Variants in ANKRD30B observed in about 807,000 individuals in gnomAD.
ANKRD30B encodes the protein ankyrin repeat domain-containing protein 30B.
ANKRD30B carries 144 observed loss-of-function variants against 202.2 expected under a neutral mutation model. The observed-to-expected ratio is 0.71, with a 90% CI of 0.62 to 0.82. ANKRD30B has a LOEUF of 0.82. Among genes scored for constraint, ANKRD30B ranks in the 40% least tolerant of loss-of-function variants. The pLI is 0.00. For missense variants in ANKRD30B, 1,487 were observed against 1,669.1 expected, an observed-to-expected ratio of 0.89 and a Z score of 1.90; for synonymous variants, 508 against 561.3, an observed-to-expected ratio of 0.91 and a Z score of 1.34.
rs556051000 is a variant in ANKRD30B, at chr18:14,752,656, C to T, written c.312C>T (p.Gly104=). The T allele has an allele frequency of 3.3e-4, 535 of 1,606,830 alleles. No homozygotes were observed. Among genetic ancestry groups the T allele is most frequent in the Middle Eastern group, 5.0e-4 (3 of 6,048 alleles). The part of the protein sequence containing the change: ...DRKCQLNVLD[G]EGRTPLMKAL... ...AGTGCCAGCTTAATGTCCTTGATGG[C>T]GAAGGGAGGACACCTCTGATGAAGG... The change falls in exon 2 of 44, where the codon GGC becomes GGT. Residue 104 remains glycine, a synonymous_variant. Coordinates refer to ENST00000690538, the MANE Select transcript of ANKRD30B (RefSeq NM_001367607.2).
rs772509727 is a variant in ANKRD30B at position 14,822,498 on chromosome 18, A to T, written c.2657A>T (p.Asp886Val). Residue 886 changes from aspartate to valine, a missense_variant, in exon 31 of 44, where the codon GAT (aspartate) becomes GTT (valine). By Grantham distance (152) the Asp-to-Val change is radical. Around this residue, in one of 6 missense-constraint regions of ANKRD30B, gnomAD observed 218 missense variants for 320.1 expected, o/e 0.68. Transcript: ENST00000690538. ...SGKLEESPDK[D>V]GLLKPTCGMK... is the part of the protein sequence containing the mutation. ...TTTCTTTTAGAGTCTCCTGATAAAG[A>T]TGGTCTTCTGAAGGTAATAACTTTT... is the stretch of plus-strand genomic sequence containing the variant. 1.5e-5 allele frequency: 21 copies of T among 1,389,634 alleles called. No individual in the cohort carries two copies. Among genetic ancestry groups the T allele is most frequent in the Middle Eastern group, 1.9e-4 (1 of 5,342 alleles). 86.1% of individuals were successfully genotyped at this position (1,389,634 alleles called of 1,614,324 possible).
chr18:14,889,735 T>A, the ANKRD30B span, among the ~76,000 whole-genome samples: 26 of 150,332 alleles, frequency 1.7e-4, no homozygotes, highest in African/African-American at 6.2e-4. Context: ...ATTTTAGAGC[T>A]GGAAGGATCC....
the ANKRD30B span, among the ~76,000 whole-genome samples, chr18:14,892,805 C>G: frequency 6.8e-6 from 1 of 147,372 alleles, no homozygotes; most frequent in South Asian, 2.2e-4. Flanking sequence ...ATAATTCTAG[C>G]TACTTGAGAG....
At chr18:14,826,691 TCTCACACACA>T (rs1970679404) in intron 32 of ANKRD30B, among the ~76,000 whole-genome samples, 1 of 83,770 alleles carries the variant, frequency 1.2e-5, no homozygotes, top group Non-Finnish European at 2.5e-5. Flanking sequence ...TCTCTCTCTC[TCTCACACACA>T]CACACACACA....
At position 14,837,619 on chromosome 18, in the gene ANKRD30B, G is replaced by A. The variant is rs1971235999; in HGVS notation, c.2931G>A (p.Lys977=). 4 of 1,530,212 alleles carry A rather than the reference G, an allele frequency of 2.6e-6. No individual in the cohort carries two copies. In the African/African-American group the frequency reaches 5.7e-5, roughly 22 times the overall value. The allele number at this position is 1,530,212 out of a possible 1,614,324, so 94.8% of individuals were successfully genotyped here. ...TCTGTGAATAACATTTTGTAGATAA[G>A]ATGCCCACATCAGAATTAGGAAGAA... ...IERAPQDQTN[K]MPTSELGRKE... is the part of the protein sequence containing the mutation. The change falls in exon 36 of 44, where the codon AAG becomes AAA. Residue 977 remains lysine (K), a synonymous_variant. Transcript: ENST00000690538.
intron 32 of ANKRD30B, among the ~76,000 whole-genome samples, chr18:14,827,733 T>A (rs1970724227): frequency 6.6e-6 from 1 of 152,230 alleles, no homozygotes; most frequent in African/African-American, 2.4e-5. Context: ...TTTCTAAGTT[T>A]GACACTGTCC....
At chr18:14,775,971 C>T (rs1967327261) in intron 9 of ANKRD30B, among the ~76,000 whole-genome samples, 1 of 152,128 alleles carries the variant, frequency 6.6e-6, no homozygotes, top group African/African-American at 2.4e-5. Context: ...AATGTGAAAA[C>T]ATTTTTTAAA....
At chr18:14,763,551 A>T in intron 6 of ANKRD30B, 135 bp from the exon 7 acceptor site, 1 of 1,306,770 alleles carries the variant, frequency 7.7e-7, no homozygotes, top group Non-Finnish European at 1.0e-6. Context: ...CTCCATCAAA[A>T]AAAAGAGAAG....
Position 14,809,621 on chromosome 18 carries a change from T to C in ANKRD30B, c.2387-365T>C, listed in dbSNP as rs139261865. Among the ~76,000 whole-genome samples, 73 of 150,974 alleles carry C rather than the reference T, an allele frequency of 4.8e-4. 3 individuals are homozygous for C. The highest frequency in any genetic ancestry group is 1.7e-3 in the African/African-American group (68 of 40,860). On this transcript the variant is annotated intron_variant, in intron 26 of 43. Coordinates refer to ENST00000690538, the MANE Select transcript of ANKRD30B (RefSeq NM_001367607.2). ...AACATATGCCTTTCTGGGATAGGAA[T>C]CTTGGTGATGCAAAACCTCCCTGAC...
the ANKRD30B span, chr18:14,888,561 C>T: frequency 3.2e-5 from 11 of 342,626 alleles, no homozygotes; most frequent in Non-Finnish European, 5.8e-5. Flanking sequence ...CATAAATGCA[C>T]AAGTCCAGCT....
the ANKRD30B span, among the ~76,000 whole-genome samples, chr18:14,887,650 A>G: frequency 0.96 from 145,891 of 151,634 alleles, 70,474 homozygotes; most frequent in Middle Eastern, 1. Flanking sequence ...ACAAAGGGGA[A>G]GGAAACTTGC....
intron 7 of ANKRD30B, among the ~76,000 whole-genome samples, chr18:14,765,723 T>G (rs1916015519): frequency 6.6e-6 from 1 of 152,032 alleles, no homozygotes; most frequent in African/African-American, 2.4e-5. Context: ...CAAAGTAAGC[T>G]TTTGTAGTAG....
chr18:14,924,054 G>A, the ANKRD30B span, among the ~76,000 whole-genome samples: 1 of 152,152 alleles, frequency 6.6e-6, no homozygotes, highest in Non-Finnish European at 1.5e-5. Context: ...GCATCACAAC[G>A]TAGTGCATGA....
At chr18:14,758,608 C>G (rs1034952533) in intron 5 of ANKRD30B, among the ~76,000 whole-genome samples, 4 of 152,202 alleles carry the variant, frequency 2.6e-5, no homozygotes, top group African/African-American at 7.2e-5. Flanking sequence ...GCACCCTGCT[C>G]TGGCAGCTAG....
chr18:14,892,312 A>T, the ANKRD30B span, among the ~76,000 whole-genome samples: 1 of 152,252 alleles, frequency 6.6e-6, no homozygotes, highest in Non-Finnish European at 1.5e-5. Flanking sequence ...TGATAGAGTT[A>T]TTATTAATTA....
the ANKRD30B span, among the ~76,000 whole-genome samples, chr18:14,936,183 T>C: frequency 4.1e-4 from 62 of 152,330 alleles, no homozygotes; most frequent in East Asian, 0.011. Context: ...TCACAGCTTA[T>C]GGACCTAAGA....
At chr18:14,872,297 C>T in the ANKRD30B span, among the ~76,000 whole-genome samples, 1 of 152,134 alleles carries the variant, frequency 6.6e-6, no homozygotes, top group Non-Finnish European at 1.5e-5. Context: ...TTTCTCCTAC[C>T]ATTTCTAAGA....
At chr18:14,777,961 A>G (rs1967482345) in intron 9 of ANKRD30B, 24 bp from the exon 10 acceptor site, 10 of 1,493,830 alleles carry the variant, frequency 6.7e-6, no homozygotes, top group Non-Finnish European at 9.1e-6. Context: ...AAGACAAATT[A>G]TTTATTGGTA....
At chr18:14,881,420 T>G in the ANKRD30B span, among the ~76,000 whole-genome samples, 2 of 152,168 alleles carry the variant, frequency 1.3e-5, no homozygotes, top group African/African-American at 2.4e-5. Flanking sequence ...TCCTGTATCA[T>G]TGGTATGAAA....
Sources: gnomAD v4.1 joint callset for allele counts (sites outside exome capture counted in the v4.1 genomes callset) on GRCh38, gnomAD v4.1.1 for gene constraint, gnomAD v4.1.1 regional missense constraint, MANE v1.5 for transcripts, NCBI Gene and HGNC (gene_info 2026-07-23, HGNC 2026-07-21) for gene names.